Variants in PDE10A observed in about 807,000 individuals in gnomAD.
The protein encoded by PDE10A is cAMP and cAMP-inhibited cGMP 3',5'-cyclic phosphodiesterase 10A.
A neutral mutation model predicts 97.7 loss-of-function variants in PDE10A; 39 were observed. The observed-to-expected ratio is 0.40, with a 90% CI of 0.31 to 0.52. The LOEUF is 0.52. Ranked by LOEUF, PDE10A falls within the 20% of genes least tolerant of loss-of-function variation. The pLI, the probability that PDE10A is intolerant of heterozygous loss-of-function variation, is 0.56. For missense variants in PDE10A, 731 were observed against 1,047.8 expected, an observed-to-expected ratio of 0.70 and a Z score of 4.17; for synonymous variants, 371 against 376.8, an observed-to-expected ratio of 0.98 and a Z score of 0.18.
At chr6:165,688,072 T>C (rs1359816792) in intron 1 of PDE10A, among the ~76,000 whole-genome samples, 1 of 152,226 alleles carries the variant, frequency 6.6e-6, no homozygotes, top group African/African-American at 2.4e-5. Context: ...TTTTCTCACC[T>C]GAGACATGGA....
intron 3 of PDE10A, among the ~76,000 whole-genome samples, chr6:165,464,269 T>C (rs139049198): frequency 7.7e-4 from 117 of 152,316 alleles, no homozygotes; most frequent in Non-Finnish European, 1.3e-3. Flanking sequence ...TACTTACATA[T>C]ACATATATTA....
At chr6:165,963,955 C>G (rs1408059675) in intron 1 of PDE10A, among the ~76,000 whole-genome samples, 1 of 152,218 alleles carries the variant, frequency 6.6e-6, no homozygotes, top group Non-Finnish European at 1.5e-5. Flanking sequence ...AATCCGTCAG[C>G]TAAGGTGTCA....
chr6:165,608,796 T>C (rs531257885), intron 1 of PDE10A, among the ~76,000 whole-genome samples: 10 of 152,342 alleles, frequency 6.6e-5, no homozygotes, highest in South Asian at 2.1e-4. Flanking sequence ...TTTTTAATGA[T>C]TGCCATTCTA....
At chr6:165,793,289 C>A (rs1778706236) in intron 1 of PDE10A, among the ~76,000 whole-genome samples, 1 of 151,886 alleles carries the variant, frequency 6.6e-6, no homozygotes, top group Non-Finnish European at 1.5e-5. Context: ...TGTAAGAAGT[C>A]CTCGGCCTTA....
intron 1 of PDE10A, among the ~76,000 whole-genome samples, chr6:165,744,520 TA>T (rs1350776099): frequency 6.6e-6 from 1 of 152,172 alleles, no homozygotes; most frequent in Non-Finnish European, 1.5e-5. Context: ...TACACATTTA[TA>T]AAAAGCCCAG....
At position 165,388,738 on chromosome 6, in the gene PDE10A, T is replaced by C. The variant is rs1785470723; in HGVS notation, c.2455-285A>G. ...ACTCTAGGAAAAGGTGCAGGAGGTA[T>C]CAACTTAAAGGTATAAAGCAAATGT... On this transcript the variant is annotated intron_variant, in intron 16 of 21. Transcript: ENST00000539869. This position sits in a 1 kb window ranked among gnomAD's most constrained non-coding sequence, Gnocchi z 4.0. Among the ~76,000 whole-genome samples, 1 of 152,134 alleles carries C rather than the reference T, an allele frequency of 6.6e-6. No homozygotes were observed. The highest frequency in any genetic ancestry group is 2.4e-5 in the African/African-American group (1 of 41,404).
In PDE10A at chr6:165,495,290, C is replaced by T. The variant is rs576002073; in HGVS notation, c.995-12947G>A. Among the ~76,000 whole-genome samples, 188 of 150,204 alleles carry T rather than the reference C, an allele frequency of 1.3e-3. 1 individual carries two copies. The highest frequency in any genetic ancestry group is 4.4e-3 in the African/African-American group (179 of 40,704). ...CATCAACCTGAAATCAACAACAACA[C>T]AGCAAGGAAGACAGAGGGGAGACAG... On this transcript the variant is annotated intron_variant, in intron 2 of 21. Coordinates refer to ENST00000539869, the MANE Select transcript of PDE10A (RefSeq NM_001385079.1).
chr6:165,692,836 G>GTCTAATACAAA (rs1791340981), intron 1 of PDE10A, among the ~76,000 whole-genome samples: 2 of 152,114 alleles, frequency 1.3e-5, no homozygotes, highest in Admixed American at 6.6e-5. Context: ...AATACATTAG[G>GTCTAATACAAA]GAAAGTATTG....
chr6:165,905,828 G>A (rs968370774), intron 1 of PDE10A, among the ~76,000 whole-genome samples: 1 of 152,002 alleles, frequency 6.6e-6, no homozygotes, highest in Admixed American at 6.5e-5. Context: ...CAGATGTCAG[G>A]TTTAAAAACA....
At chr6:165,714,988 G>A (rs781188093) in intron 1 of PDE10A, among the ~76,000 whole-genome samples, 2 of 152,254 alleles carry the variant, frequency 1.3e-5, no homozygotes, top group Non-Finnish European at 2.9e-5. Flanking sequence ...ACAAAGACCC[G>A]GTGTGAACTG....
intron 2 of PDE10A, among the ~76,000 whole-genome samples, chr6:165,489,246 G>A (rs1780089196): frequency 6.6e-6 from 1 of 152,170 alleles, no homozygotes; most frequent in Non-Finnish European, 1.5e-5. Context: ...ACAGCTGAAA[G>A]ACCTAAAGAT....
At chr6:165,336,458 A>C (rs528910755) in intron 20 of PDE10A, among the ~76,000 whole-genome samples, 24 of 152,332 alleles carry the variant, frequency 1.6e-4, no homozygotes, top group African/African-American at 5.3e-4. Flanking sequence ...GTTAATACCT[A>C]CTGAAATCTG....
chr6:165,837,697 C>T (rs1225454317), intron 1 of PDE10A, among the ~76,000 whole-genome samples: 1 of 104,398 alleles, frequency 9.6e-6, no homozygotes, highest in African/African-American at 4.0e-5. Context: ...GGGCAGGAGG[C>T]GGTGGGAGAA....
intron 5 of PDE10A, among the ~76,000 whole-genome samples, chr6:165,447,153 T>C (rs1482024230): frequency 1.3e-5 from 2 of 151,990 alleles, no homozygotes; most frequent in Non-Finnish European, 2.9e-5. Flanking sequence ...TTTTGTAACC[T>C]AAATCCAAGC....
intron 2 of PDE10A, among the ~76,000 whole-genome samples, chr6:165,540,363 T>A (rs1401856709): frequency 6.6e-6 from 1 of 152,244 alleles, no homozygotes; most frequent in African/African-American, 2.4e-5. Flanking sequence ...ATTTTTGACA[T>A]AATAATTGTA....
chr6:165,899,588 C>T (rs1367786471), intron 1 of PDE10A, among the ~76,000 whole-genome samples: 2 of 152,206 alleles, frequency 1.3e-5, no homozygotes, highest in African/African-American at 4.8e-5. Flanking sequence ...GAGTGCTATG[C>T]AGGAGCAGCA....
rs184919309 is a variant in PDE10A at position 165,576,052 on chromosome 6, T to A, written c.866-32484A>T. On this transcript the variant is annotated intron_variant, in intron 1 of 21. Transcript: ENST00000539869. ...CTCCTACATAACATGGTAAAGCAGGTCATTTAGCCAATAATAAATTTGCCT... is the reference window on the plus strand; with the variant it reads ...CTCCTACATAACATGGTAAAGCAGGACATTTAGCCAATAATAAATTTGCCT... Among the ~76,000 whole-genome samples, 7 of 151,538 alleles carry A rather than the reference T, an allele frequency of 4.6e-5. No individual in the cohort carries two copies. In the East Asian group the frequency reaches 1.4e-3, roughly 30 times the overall value.
At chr6:165,969,732 C>A (rs2128500553) in intron 1 of PDE10A, among the ~76,000 whole-genome samples, 1 of 152,236 alleles carries the variant, frequency 6.6e-6, no homozygotes, top group East Asian at 1.9e-4. Context: ...TTGAAAGACA[C>A]AGAAGCCACC....
At chr6:165,600,180 C>T (rs139561161) in intron 1 of PDE10A, among the ~76,000 whole-genome samples, 54 of 152,286 alleles carry the variant, frequency 3.5e-4, no homozygotes, top group Admixed American at 2.7e-3. Flanking sequence ...ACTCCTCCTC[C>T]GAGGATCCCA....
Sources: allele counts gnomAD v4.1 joint callset (sites outside exome capture counted in the v4.1 genomes callset), GRCh38; gene constraint gnomAD v4.1.1; non-coding constraint Gnocchi (gnomAD v3.1); transcripts MANE v1.5; gene names NCBI Gene and HGNC (gene_info 2026-07-23, HGNC 2026-07-21).